Variants in OTOGL observed in about 807,000 individuals in gnomAD.
OTOGL encodes the protein otogelin-like protein.
OTOGL carries 285 observed loss-of-function variants against 318.5 expected under a neutral mutation model. The ratio of observed to expected loss-of-function variants is 0.89; its 90% CI spans 0.81 to 0.99. The LOEUF (loss-of-function observed/expected upper bound fraction) is 0.99, where lower values mean the gene tolerates loss of function less well. Ranked by LOEUF, OTOGL falls within the 50% of genes least tolerant of loss-of-function variation. OTOGL has a pLI of 0.00. For missense variants in OTOGL, 2,899 were observed against 2,845.6 expected (o/e 1.02, Z -0.43); for synonymous variants, 987 against 936.5 (o/e 1.05, Z -0.99).
chr12:80,149,587 G>A (rs918863830), intron 1 of OTOGL, among the ~76,000 whole-genome samples: 14 of 152,090 alleles, frequency 9.2e-5, no homozygotes, highest in Admixed American at 3.3e-4. Context: ...GAGCTGTGGT[G>A]GGCTCCACCC....
intron 11 of OTOGL, among the ~76,000 whole-genome samples, chr12:80,242,430 G>A (rs1880463168): frequency 1.3e-5 from 2 of 152,084 alleles, no homozygotes; most frequent in Non-Finnish European, 2.9e-5. Flanking sequence ...TGATAAAATG[G>A]AAGTGAGAAG....
At chr12:80,170,182 T>G (rs928635314) in intron 1 of OTOGL, among the ~76,000 whole-genome samples, 2 of 126,878 alleles carry the variant, frequency 1.6e-5, no homozygotes, top group African/African-American at 3.5e-5. Context: ...GTCAGGGGTG[T>G]GTGTGTGTGT....
chr12:80,123,383 G>A (rs2137103096), intron 1 of OTOGL, among the ~76,000 whole-genome samples: 1 of 152,224 alleles, frequency 6.6e-6, no homozygotes, highest in South Asian at 2.1e-4. Flanking sequence ...TTAAGGCTGT[G>A]TAGTATTCTA....
At chr12:80,369,330 T>G (rs930117966) in intron 55 of OTOGL, among the ~76,000 whole-genome samples, 10 of 152,124 alleles carry the variant, frequency 6.6e-5, no homozygotes, top group African/African-American at 2.4e-4. Flanking sequence ...TCTTCATTAC[T>G]GCTGAAAATC....
intron 27 of OTOGL, among the ~76,000 whole-genome samples, chr12:80,300,334 G>A (rs1415479686): frequency 6.6e-6 from 1 of 151,920 alleles, no homozygotes; most frequent in Non-Finnish European, 1.5e-5. Context: ...ACTTGGGTAT[G>A]CTTGCCTAAG....
chr12:80,145,022 T>C (rs1391574741), intron 1 of OTOGL, among the ~76,000 whole-genome samples: 3 of 151,702 alleles, frequency 2.0e-5, no homozygotes, highest in East Asian at 1.9e-4. Context: ...TTCACTCTGA[T>C]GGTAGTTTCT....
intron 27 of OTOGL, among the ~76,000 whole-genome samples, chr12:80,301,634 T>C (rs571406856): frequency 6.6e-6 from 1 of 152,318 alleles, no homozygotes; most frequent in East Asian, 1.9e-4. Flanking sequence ...CCAAACCCTA[T>C]ACCTTGCTGT....
rs1481478546 is a variant in OTOGL, at chr12:80,308,040, C to G, written c.3333+2345C>G. 8.8e-5 allele frequency among the ~76,000 whole-genome samples: 12 copies of G among 137,052 alleles called. No homozygotes were observed. The East Asian group carries it at 2.5e-3, about 29-fold the overall frequency. The allele number at this position is 137,052 out of a possible 152,430, so 89.9% of individuals were successfully genotyped here. A position where few individuals can be genotyped will look rare whatever the true frequency, so the allele number is the denominator to read the frequency against. ...CTGCCGGACGGGGCGGCTGGCCGCG[C>G]GGGGGGCTGATCCCCCCACCTCCCT... On this transcript the variant is annotated intron_variant, in intron 29 of 58. Transcript: ENST00000547103.
At chr12:80,150,140 C>G (rs11831404) in intron 1 of OTOGL, among the ~76,000 whole-genome samples, 9,905 of 152,226 alleles carry the variant, frequency 0.065, 1,014 homozygotes, top group African/African-American at 0.22. Context: ...ATAGAAAGGA[C>G]TTTGCTCTCT....
chr12:80,224,966 T>G (rs1398652210), intron 7 of OTOGL, among the ~76,000 whole-genome samples: 2 of 152,048 alleles, frequency 1.3e-5, no homozygotes, highest in Non-Finnish European at 2.9e-5. Context: ...ATGATGTGAT[T>G]ATGTAACATT....
intron 1 of OTOGL, among the ~76,000 whole-genome samples, chr12:80,180,471 TGA>T (rs1425862489): frequency 2.6e-5 from 4 of 152,154 alleles, no homozygotes; most frequent in Admixed American, 2.6e-4. Context: ...CTAACAGGTA[TGA>T]GAGGAGTTTG....
chr12:80,267,166 G>T, intron 21 of OTOGL, 87 bp from the exon 22 acceptor site: 2 of 701,322 alleles, frequency 2.9e-6, no homozygotes, highest in South Asian at 2.2e-5. Context: ...ACCTTACAAT[G>T]ACCAATGGAG....
chr12:80,241,499 G>C (rs1191705590), intron 11 of OTOGL, among the ~76,000 whole-genome samples: 8 of 151,884 alleles, frequency 5.3e-5, no homozygotes, highest in African/African-American at 1.5e-4. Context: ...CTGTAGGTAG[G>C]CCATAGTCCT....
At chr12:80,115,224 C>T (rs1325986275) in intron 1 of OTOGL, among the ~76,000 whole-genome samples, 7 of 151,934 alleles carry the variant, frequency 4.6e-5, no homozygotes, top group East Asian at 1.9e-4. Flanking sequence ...TCCTCATCTT[C>T]GTGGTTTTAT....
intron 26 of OTOGL, among the ~76,000 whole-genome samples, chr12:80,280,510 A>G (rs1286009362): frequency 6.6e-6 from 1 of 152,014 alleles, no homozygotes; most frequent in Non-Finnish European, 1.5e-5. Context: ...AACCTTCTGC[A>G]TATGGCTAGC....
intron 26 of OTOGL, among the ~76,000 whole-genome samples, chr12:80,279,529 T>C (rs1232496846): frequency 6.6e-6 from 1 of 151,768 alleles, no homozygotes; most frequent in East Asian, 1.9e-4. Context: ...CTCCCACTTA[T>C]AAGTGAGAAC....
chr12:80,224,937 G>C (rs920044685), intron 7 of OTOGL, among the ~76,000 whole-genome samples: 1 of 151,928 alleles, frequency 6.6e-6, no homozygotes, highest in African/African-American at 2.4e-5. Context: ...TGTTTGAGGG[G>C]ATGCATATGT....
At chr12:80,116,540 T>C (rs1870178535) in intron 1 of OTOGL, among the ~76,000 whole-genome samples, 1 of 152,136 alleles carries the variant, frequency 6.6e-6, no homozygotes. Context: ...TAATGACCAA[T>C]GATGCTTATA....
intron 29 of OTOGL, 115 bp downstream of exon 29, chr12:80,305,810 T>G (rs1197027439): frequency 1.2e-6 from 1 of 866,722 alleles, no homozygotes; most frequent in Admixed American, 3.8e-5. Flanking sequence ...TTCATAGTAA[T>G]TTATAGCTGA....
Sources: gnomAD v4.1 joint callset for allele counts (sites outside exome capture counted in the v4.1 genomes callset) on GRCh38, gnomAD v4.1.1 for gene constraint, MANE v1.5 for transcripts, NCBI Gene and HGNC (gene_info 2026-07-23, HGNC 2026-07-21) for gene names.